Variants in XIRP2 observed in about 807,000 individuals in gnomAD.
The protein encoded by XIRP2 is xin actin-binding repeat-containing protein 2.
XIRP2 carries 236 observed loss-of-function variants against 277.0 expected under a neutral mutation model. The ratio of observed to expected loss-of-function variants is 0.85; its 90% CI spans 0.77 to 0.95. The LOEUF (loss-of-function observed/expected upper bound fraction) is 0.95, where lower values mean the gene tolerates loss of function less well. Among genes scored for constraint, XIRP2 ranks in the 40% least tolerant of loss-of-function variants. The pLI is 0.00. For synonymous variants in XIRP2, 1,490 were observed against 1,416.5 expected (o/e 1.05, Z -1.17); for missense variants, 4,640 against 4,157.5 (o/e 1.12, Z -3.19).
chr2:166,928,858 C>T lies in XIRP2; in HGVS notation c.408+24968C>T, dbSNP rs138211627. On this transcript the variant is annotated intron_variant, in intron 2 of 10. Coordinates refer to ENST00000409195, the MANE Select transcript of XIRP2 (RefSeq NM_152381.6). ...TATCAGGGTGATAGGCACAGGAAGA[C>T]TGTGCTTTGGACTGTCAGCATGTAG... 2.0e-3 allele frequency among the ~76,000 whole-genome samples: 303 copies of T among 152,196 alleles called. 1 individual carries two copies. The highest frequency in any genetic ancestry group is 6.9e-3 in the African/African-American group (287 of 41,542).
At chr2:167,034,558 A>G (rs2105510119) in intron 2 of XIRP2, among the ~76,000 whole-genome samples, 1 of 152,252 alleles carries the variant, frequency 6.6e-6, no homozygotes, top group South Asian at 2.1e-4. Flanking sequence ...TACTTCACCT[A>G]TAAAGATACA....
chr2:167,247,341 A>G lies in XIRP2; in HGVS notation c.5949A>G (p.Pro1983=). 6.2e-7 allele frequency: 1 copy of G among 1,613,774 alleles called. No homozygotes were observed. Among genetic ancestry groups the G allele is most frequent in the African/African-American group, 1.3e-5 (1 of 75,014 alleles). The stretch of plus-strand genomic sequence containing the variant: ...GTCTTCTTCAGCCAAAGCCAGGTCC[A>G]TTTGAGCCAGCGGCCAAGTGGCAAG... ...KNSLLQPKPG[P]FEPAAKWQGG... is the part of the protein sequence containing the mutation. The change falls in exon 9 of 11, where the codon CCA becomes CCG. Residue 1983 remains proline (P), a synonymous_variant. Coordinates refer to ENST00000409195, the MANE Select transcript of XIRP2 (RefSeq NM_152381.6).
At chr2:166,994,402 C>T (rs1687147160) in intron 2 of XIRP2, among the ~76,000 whole-genome samples, 2 of 125,712 alleles carry the variant, frequency 1.6e-5, no homozygotes, top group Non-Finnish European at 3.2e-5. Context: ...GGGTGCAGCG[C>T]ACCAGCATGG....
intron 2 of XIRP2, among the ~76,000 whole-genome samples, chr2:167,051,263 A>T (rs1178508178): frequency 6.6e-6 from 1 of 152,130 alleles, no homozygotes; most frequent in Non-Finnish European, 1.5e-5. Context: ...GTCTTTGTGC[A>T]GCTATTCTTC....
chr2:166,892,613 C>T (rs189122452), intron 1 of XIRP2, among the ~76,000 whole-genome samples: 4 of 152,104 alleles, frequency 2.6e-5, no homozygotes, highest in African/African-American at 9.6e-5. Flanking sequence ...GAGAGGCTTC[C>T]TGTGAATTTC....
intron 2 of XIRP2, among the ~76,000 whole-genome samples, chr2:166,907,712 C>A (rs888919943): frequency 1.6e-4 from 25 of 151,592 alleles, no homozygotes; most frequent in African/African-American, 5.8e-4. Flanking sequence ...GTGCTGCACT[C>A]ATTAACTCGT....
intron 2 of XIRP2, among the ~76,000 whole-genome samples, chr2:167,084,122 C>A (rs906318681): frequency 5.9e-5 from 9 of 152,052 alleles, no homozygotes; most frequent in Non-Finnish European, 1.3e-4. Flanking sequence ...CCCATCAATA[C>A]CTAATTTATT....
intron 2 of XIRP2, among the ~76,000 whole-genome samples, chr2:167,119,865 C>G (rs1691003199): frequency 6.6e-6 from 1 of 152,156 alleles, no homozygotes; most frequent in Non-Finnish European, 1.5e-5. Flanking sequence ...GTCATGCATG[C>G]AAAGTGCTGA....
intron 2 of XIRP2, among the ~76,000 whole-genome samples, chr2:167,099,047 G>C (rs1390155945): frequency 2.0e-5 from 3 of 152,228 alleles, no homozygotes. Flanking sequence ...TGGGAGATCT[G>C]CTGCTCTCTT....
rs147889689 is a variant in XIRP2 at position 167,131,218 on chromosome 2, G to C, written c.409-4691G>C. On this transcript the variant is annotated intron_variant, in intron 2 of 10. Transcript: ENST00000409195. Reference sequence around the variant, plus strand: ...AACGCTTTCTGTTATGCTACCTTCGGGCTATATTTCTACCCATGCTTTGGG... The same window carrying C: ...AACGCTTTCTGTTATGCTACCTTCGCGCTATATTTCTACCCATGCTTTGGG... Among the ~76,000 whole-genome samples the C allele has an allele frequency of 2.2e-3, 333 of 152,064 alleles. 1 individual carries two copies. The highest frequency in any genetic ancestry group is 7.6e-3 in the African/African-American group (314 of 41,482).
chr2:166,932,337 C>G (rs1481817478), intron 2 of XIRP2, among the ~76,000 whole-genome samples: 1 of 151,826 alleles, frequency 6.6e-6, no homozygotes, highest in Non-Finnish European at 1.5e-5. Context: ...CCTCCTCAGT[C>G]CCCCAAGTAG....
chr2:167,049,814 G>A, intron 2 of XIRP2, among the ~76,000 whole-genome samples: 1 of 152,036 alleles, frequency 6.6e-6, no homozygotes, highest in East Asian at 1.9e-4. Context: ...AAATGATAGT[G>A]TGACATAAAG....
At chr2:167,056,274 G>A (rs1254992728) in intron 2 of XIRP2, among the ~76,000 whole-genome samples, 1 of 152,128 alleles carries the variant, frequency 6.6e-6, no homozygotes, top group Non-Finnish European at 1.5e-5. Flanking sequence ...AAAGCCTGAA[G>A]TTATAAAATC....
intron 2 of XIRP2, among the ~76,000 whole-genome samples, chr2:167,015,591 A>G (rs1687803791): frequency 6.6e-6 from 1 of 151,852 alleles, no homozygotes; most frequent in African/African-American, 2.4e-5. Context: ...TAGAATTGCA[A>G]TATTACCACT....
At chr2:167,020,454 T>C (rs1429787240) in intron 2 of XIRP2, among the ~76,000 whole-genome samples, 1 of 152,048 alleles carries the variant, frequency 6.6e-6, no homozygotes, top group African/African-American at 2.4e-5. Context: ...ACTTATGTAG[T>C]ATATACAATG....
chr2:166,894,964 C>T (rs748038566), intron 1 of XIRP2, among the ~76,000 whole-genome samples: 1 of 152,076 alleles, frequency 6.6e-6, no homozygotes, highest in African/African-American at 2.4e-5. Context: ...GGATAAATAA[C>T]GGATACCAGC....
intron 2 of XIRP2, among the ~76,000 whole-genome samples, chr2:166,970,987 G>C (rs1171922649): frequency 6.6e-6 from 1 of 151,844 alleles, no homozygotes; most frequent in African/African-American, 2.4e-5. Context: ...AAGATCAATA[G>C]TTTAATATAA....
intron 2 of XIRP2, among the ~76,000 whole-genome samples, chr2:167,129,597 A>G (rs993815373): frequency 6.6e-6 from 1 of 152,110 alleles, no homozygotes; most frequent in Non-Finnish European, 1.5e-5. Flanking sequence ...TATAAGTAAG[A>G]AAGAAAAATT....
chr2:166,982,516 T>C (rs1440885948), intron 2 of XIRP2, among the ~76,000 whole-genome samples: 1 of 152,054 alleles, frequency 6.6e-6, no homozygotes, highest in Non-Finnish European at 1.5e-5. Flanking sequence ...TAGACCTCTA[T>C]CATGTTTTTT....
Sources: gnomAD v4.1 joint callset for allele counts (sites outside exome capture counted in the v4.1 genomes callset) on GRCh38, gnomAD v4.1.1 for gene constraint, MANE v1.5 for transcripts, NCBI Gene and HGNC (gene_info 2026-07-23, HGNC 2026-07-21) for gene names.